Variants in KCND3 observed in about 807,000 individuals in gnomAD.
KCND3 encodes A-type voltage-gated potassium channel KCND3.
KCND3 carries 9 observed loss-of-function variants against 51.1 expected under a neutral mutation model. That is an observed-to-expected ratio of 0.18 (90% CI 0.11 to 0.31). KCND3 has a LOEUF of 0.31. Ranked by LOEUF, KCND3 falls within the 10% of genes least tolerant of loss-of-function variation. The probability of loss-of-function intolerance (pLI) is 1.00; values close to 1 mark genes in which losing one functional copy is unlikely to be tolerated. For synonymous variants in KCND3, 349 were observed against 368.0 expected (o/e 0.95, Z 0.59); for missense variants, 526 against 903.8 (o/e 0.58, Z 5.36).
In KCND3 at chr1:111,950,292, A is replaced by ATT. The variant is rs1231634046; in HGVS notation, c.1106+31328_1106+31329insAA. On this transcript the variant is annotated intron_variant, in intron 2 of 7. Coordinates refer to ENST00000302127, the MANE Select transcript of KCND3 (RefSeq NM_001378969.1). ...TCTGCTCTATTTAATTTTTTTGAAA[A>ATT]TACTGGTCGTGACCCACTAAGTTAA... Among the ~76,000 whole-genome samples, 10 of 152,154 alleles carry ATT rather than the reference A, an allele frequency of 6.6e-5. No individual in the cohort carries two copies. In the East Asian group the frequency reaches 1.7e-3, roughly 26 times the overall value.
chr1:111,879,683 T>C (rs575053277), intron 2 of KCND3, among the ~76,000 whole-genome samples: 15 of 152,334 alleles, frequency 9.8e-5, no homozygotes, highest in African/African-American at 3.6e-4. Flanking sequence ...CCTCGTGACA[T>C]GTAGTCTCTG....
At chr1:111,888,464 T>C (rs1411589847) in intron 2 of KCND3, among the ~76,000 whole-genome samples, 1 of 151,980 alleles carries the variant, frequency 6.6e-6, no homozygotes, top group East Asian at 1.9e-4. Flanking sequence ...GGCGGGTGGA[T>C]CACCTGAGGT....
At chr1:111,979,174 C>T (rs574007409) in intron 2 of KCND3, among the ~76,000 whole-genome samples, 2 of 152,278 alleles carry the variant, frequency 1.3e-5, no homozygotes, top group South Asian at 2.1e-4. Context: ...GCATGCTTCT[C>T]CCTAGTGCAG....
intron 2 of KCND3, among the ~76,000 whole-genome samples, chr1:111,790,588 C>T (rs1664784202): frequency 6.6e-6 from 1 of 152,144 alleles, no homozygotes. Context: ...AATTTACATA[C>T]CATAAAATCC....
At position 111,934,630 on chromosome 1, in the gene KCND3, G is replaced by A. The variant is rs575952056; in HGVS notation, c.1106+46991C>T. Reference sequence around the variant, plus strand: ...TGTAAATCTGCCACCAAGTAGGCATGTGAGTGTGTGCATGCATGTTTGGTA... The same window carrying A: ...TGTAAATCTGCCACCAAGTAGGCATATGAGTGTGTGCATGCATGTTTGGTA... On this transcript the variant is annotated intron_variant, in intron 2 of 7. Coordinates refer to ENST00000302127, the MANE Select transcript of KCND3 (RefSeq NM_001378969.1). Among the ~76,000 whole-genome samples, 6 of 152,326 alleles carry A rather than the reference G, an allele frequency of 3.9e-5. No individual in the cohort carries two copies. In the South Asian group the frequency reaches 1.0e-3, roughly 26 times the overall value.
chr1:111,895,920 T>A (rs970369735), intron 2 of KCND3, among the ~76,000 whole-genome samples: 3 of 152,248 alleles, frequency 2.0e-5, no homozygotes, highest in Non-Finnish European at 4.4e-5. Context: ...CGAAGAAAGC[T>A]TGATTCACTG....
chr1:111,806,444 A>G (rs12096089), intron 2 of KCND3, among the ~76,000 whole-genome samples: 15 of 152,128 alleles, frequency 9.9e-5, no homozygotes, highest in Non-Finnish European at 1.8e-4. Context: ...GGGCTCAGAA[A>G]AATCGTGGTC....
At chr1:111,784,275 C>G (rs1220959709) in intron 3 of KCND3, among the ~76,000 whole-genome samples, 1 of 152,116 alleles carries the variant, frequency 6.6e-6, no homozygotes, top group Non-Finnish European at 1.5e-5. Context: ...ACAAACTTTA[C>G]AAGAGATTGC....
chr1:111,887,426 G>C (rs1022758007), intron 2 of KCND3, among the ~76,000 whole-genome samples: 1 of 152,226 alleles, frequency 6.6e-6, no homozygotes, highest in Non-Finnish European at 1.5e-5. Context: ...GAAGGACAAA[G>C]AGGGGAAGGT....
At chr1:111,821,007 C>T (rs1262362878) in intron 2 of KCND3, among the ~76,000 whole-genome samples, 2 of 152,220 alleles carry the variant, frequency 1.3e-5, no homozygotes, top group East Asian at 1.9e-4. Context: ...GCCTCCAGAA[C>T]TGTGAGACAA....
chr1:111,832,717 G>A (rs1042595312), intron 2 of KCND3, among the ~76,000 whole-genome samples: 6 of 152,134 alleles, frequency 3.9e-5, no homozygotes, highest in African/African-American at 1.2e-4. Context: ...GTGGCAGAAT[G>A]ATAAATGTGA....
chr1:111,967,575 A>G (rs905052928), intron 2 of KCND3, among the ~76,000 whole-genome samples: 4 of 152,196 alleles, frequency 2.6e-5, no homozygotes, highest in Non-Finnish European at 5.9e-5. Context: ...GCCTCTCTGC[A>G]GACTTGCATT....
At chr1:111,914,346 G>T (rs1212662973) in intron 2 of KCND3, among the ~76,000 whole-genome samples, 4 of 151,114 alleles carry the variant, frequency 2.6e-5, no homozygotes, top group African/African-American at 4.9e-5. Flanking sequence ...TGTAACTGGG[G>T]TCCCCAAAAA....
chr1:111,922,590 A>G (rs1671522411), intron 2 of KCND3, among the ~76,000 whole-genome samples: 1 of 152,152 alleles, frequency 6.6e-6, no homozygotes, highest in Non-Finnish European at 1.5e-5. Context: ...CTCTCTTTTA[A>G]GTGGGGATAA....
intron 2 of KCND3, among the ~76,000 whole-genome samples, chr1:111,832,234 G>A (rs1666865510): frequency 6.6e-6 from 1 of 152,206 alleles, no homozygotes; most frequent in African/African-American, 2.4e-5. Flanking sequence ...AAGGTGGGGT[G>A]CATGTGGTCC....
chr1:111,819,724 G>A (rs1461285009), intron 2 of KCND3, among the ~76,000 whole-genome samples: 1 of 152,106 alleles, frequency 6.6e-6, no homozygotes, highest in Non-Finnish European at 1.5e-5. Context: ...GTCTCCTCAG[G>A]CTGGGAAGTG....
chr1:111,776,980 T>C (rs762803666), intron 7 of KCND3, 46 bp downstream of exon 7: 1 of 1,611,796 alleles, frequency 6.2e-7, no homozygotes, highest in South Asian at 1.1e-5. Flanking sequence ...ATTCTGTGAA[T>C]GGGATGATTC....
intron 2 of KCND3, among the ~76,000 whole-genome samples, chr1:111,856,618 C>A (rs1300014997): frequency 6.6e-6 from 1 of 152,204 alleles, no homozygotes; most frequent in South Asian, 2.1e-4. Flanking sequence ...TTGGGGTCAG[C>A]GCCAGGAAGC....
rs1284278310 is a variant in KCND3, at chr1:111,775,990, G to T, written c.*87C>A. The T allele has an allele frequency of 2.2e-6, 3 of 1,369,230 alleles. No homozygotes were observed. The highest frequency in any genetic ancestry group is 1.4e-5 in the African/African-American group (1 of 70,024). 84.8% of individuals were successfully genotyped at this position (1,369,230 alleles called of 1,614,324 possible). Reference sequence around the variant, plus strand: ...GGCAGGCAGAAATAGTGGGGAAAGGGGGGAGGGAGTGGTCTCAGTGACCAC... The same window carrying T: ...GGCAGGCAGAAATAGTGGGGAAAGGTGGGAGGGAGTGGTCTCAGTGACCAC... On this transcript the variant is annotated 3_prime_UTR_variant, in exon 8 of 8. Transcript: ENST00000302127.
Sources: allele counts gnomAD v4.1 joint callset (sites outside exome capture counted in the v4.1 genomes callset), GRCh38; gene constraint gnomAD v4.1.1; transcripts MANE v1.5; gene names NCBI Gene and HGNC (gene_info 2026-07-23, HGNC 2026-07-21).